The following PTPRM variants were observed in gnomAD, a reference collection of about 807,000 sequenced individuals.
PTPRM encodes the protein protein tyrosine phosphatase receptor type M.
Under a neutral mutation model 186.7 loss-of-function variants are expected in PTPRM, and 47 were observed. That is an observed-to-expected ratio of 0.25 (90% confidence interval 0.20 to 0.32). The LOEUF (loss-of-function observed/expected upper bound fraction) is 0.32. Among genes scored for constraint, PTPRM ranks in the 10% least tolerant of loss-of-function variants. PTPRM has a pLI of 1.00. For synonymous variants in PTPRM, 668 were observed against 674.9 expected (o/e 0.99, Z 0.16); for missense variants, 1,494 against 1,865.0 (o/e 0.80, Z 3.66).
chr18:7,965,091 T>C (rs947929353), intron 7 of PTPRM, among the ~76,000 whole-genome samples: 5 of 141,156 alleles, frequency 3.5e-5, no homozygotes, highest in Non-Finnish European at 6.0e-5. Flanking sequence ...CAGGCTGGAG[T>C]GCAATGTGCA....
At chr18:8,220,611 A>C (rs1293512188) in intron 14 of PTPRM, among the ~76,000 whole-genome samples, 3 of 152,246 alleles carry the variant, frequency 2.0e-5, no homozygotes, top group Non-Finnish European at 4.4e-5. Context: ...AAAGCTTATT[A>C]GGAAAGAGTT....
intron 1 of PTPRM, among the ~76,000 whole-genome samples, chr18:7,670,711 TATC>T (rs1209768419): frequency 6.6e-6 from 1 of 152,338 alleles, no homozygotes; most frequent in East Asian, 1.9e-4. Context: ...GCAAAATTAT[TATC>T]ATTTCAAAAC....
At chr18:8,100,876 C>T (rs2091262308) in intron 11 of PTPRM, among the ~76,000 whole-genome samples, 1 of 152,180 alleles carries the variant, frequency 6.6e-6, no homozygotes, top group South Asian at 2.1e-4. Context: ...CTTAAAATTT[C>T]CTATCATTAC....
rs1048373469 is a variant in PTPRM at position 7,619,316 on chromosome 18, A to G, written c.73+51425A>G. On this transcript the variant is annotated intron_variant, in intron 1 of 32. Coordinates refer to ENST00000580170, the MANE Select transcript of PTPRM (RefSeq NM_001105244.2). ...CCCTCCTTGAGCTTGGCACCAGGGA[A>G]CATTTACAGATGATGACATTTTCTA... Among the ~76,000 whole-genome samples, 11 of 152,312 alleles carry G rather than the reference A, an allele frequency of 7.2e-5. No individual in the cohort carries two copies. The East Asian group carries it at 2.1e-3, about 29-fold the overall frequency.
At chr18:7,943,879 C>T (rs2052354413) in intron 5 of PTPRM, among the ~76,000 whole-genome samples, 1 of 152,178 alleles carries the variant, frequency 6.6e-6, no homozygotes, top group African/African-American at 2.4e-5. Flanking sequence ...TACCTGCAAA[C>T]TCCTTTTTGC....
intron 13 of PTPRM, among the ~76,000 whole-genome samples, chr18:8,125,322 G>C (rs1397108135): frequency 1.3e-5 from 2 of 152,062 alleles, no homozygotes; most frequent in African/African-American, 4.8e-5. Context: ...CATTTCATGA[G>C]CAGTCCTGTC....
In PTPRM at chr18:7,567,553, G is replaced by A. The variant is rs964185395; in HGVS notation, c.-266G>A. 7 of 366,950 alleles carry A rather than the reference G, an allele frequency of 1.9e-5. No individual in the cohort carries two copies. Among genetic ancestry groups the A allele is most frequent in the South Asian group, 1.3e-4 (1 of 7,832 alleles). The allele number at this position is 366,950 out of a possible 1,614,324, so 22.7% of individuals were successfully genotyped here. ...AACCGAGGGAAGATTTTGGCTCCGC[G>A]GGCTCGCCCTCCGCTCCCTCTGCCA... On this transcript the variant is annotated 5_prime_UTR_variant, in exon 1 of 33. Coordinates refer to ENST00000580170, the MANE Select transcript of PTPRM (RefSeq NM_001105244.2). The surrounding 1 kb of genome is among the most constrained non-coding windows in gnomAD (Gnocchi z 4.3).
chr18:8,323,069 G>A, intron 22 of PTPRM, among the ~76,000 whole-genome samples: 1 of 152,036 alleles, frequency 6.6e-6, no homozygotes, highest in Non-Finnish European at 1.5e-5. Flanking sequence ...GCTCATAGGA[G>A]CCTCCCACCG....
At chr18:7,866,904 G>C (rs1390751591) in intron 2 of PTPRM, among the ~76,000 whole-genome samples, 2 of 152,134 alleles carry the variant, frequency 1.3e-5, no homozygotes, top group Non-Finnish European at 2.9e-5. Flanking sequence ...AGGATAGTTA[G>C]CTCTTCTTGT....
intron 2 of PTPRM, among the ~76,000 whole-genome samples, chr18:7,854,156 G>A (rs2046988729): frequency 1.3e-5 from 2 of 152,162 alleles, no homozygotes; most frequent in Admixed American, 6.5e-5. Context: ...AGGAAATGAT[G>A]GACATAGTTG....
At chr18:8,207,283 G>A (rs151149205) in intron 14 of PTPRM, among the ~76,000 whole-genome samples, 1 of 152,170 alleles carries the variant, frequency 6.6e-6, no homozygotes, top group African/African-American at 2.4e-5. Flanking sequence ...GTACAGTTTT[G>A]TGGGGAAGCA....
At chr18:8,120,630 G>A (rs969400809) in intron 13 of PTPRM, among the ~76,000 whole-genome samples, 2 of 151,620 alleles carry the variant, frequency 1.3e-5, no homozygotes, top group Non-Finnish European at 2.9e-5. Context: ...CAAGTAGCTG[G>A]GACTACAGGC....
At chr18:7,630,948 G>T (rs1396430685) in intron 1 of PTPRM, among the ~76,000 whole-genome samples, 1 of 152,112 alleles carries the variant, frequency 6.6e-6, no homozygotes, top group African/African-American at 2.4e-5. Context: ...AGGTTGGGTT[G>T]GCTTATGTGC....
intron 7 of PTPRM, among the ~76,000 whole-genome samples, chr18:7,999,238 C>G (rs2083725519): frequency 6.6e-6 from 1 of 152,102 alleles, no homozygotes; most frequent in African/African-American, 2.4e-5. Flanking sequence ...AACCAAGGTA[C>G]CTGGAGAAAA....
intron 14 of PTPRM, among the ~76,000 whole-genome samples, chr18:8,202,640 G>A (rs1252668691): frequency 6.6e-6 from 1 of 151,206 alleles, no homozygotes; most frequent in African/African-American, 2.4e-5. Context: ...GGAACTGCCT[G>A]TGTTTACCAT....
chr18:7,795,323 G>A (rs2043568120), intron 2 of PTPRM, among the ~76,000 whole-genome samples: 1 of 152,184 alleles, frequency 6.6e-6, no homozygotes, highest in Non-Finnish European at 1.5e-5. Context: ...GCGTCTCAGA[G>A]TGGGATCTGT....
chr18:8,230,726 A>C (rs1467392761), intron 14 of PTPRM, among the ~76,000 whole-genome samples: 1 of 152,234 alleles, frequency 6.6e-6, no homozygotes, highest in Non-Finnish European at 1.5e-5. Flanking sequence ...CAACTGTTGC[A>C]GTGCTGGTTC....
chr18:7,859,008 T>C (rs1345493265), intron 2 of PTPRM, among the ~76,000 whole-genome samples: 1 of 152,212 alleles, frequency 6.6e-6, no homozygotes, highest in Non-Finnish European at 1.5e-5. Flanking sequence ...CCTGAGGCAG[T>C]CAGTGCATTC....
intron 3 of PTPRM, among the ~76,000 whole-genome samples, chr18:7,903,311 C>A (rs1168974755): frequency 1.3e-5 from 2 of 152,206 alleles, no homozygotes; most frequent in African/African-American, 2.4e-5. Flanking sequence ...ATTTTTCTAA[C>A]CACAGCACCC....
Sources: allele counts gnomAD v4.1 joint callset (sites outside exome capture counted in the v4.1 genomes callset), GRCh38; gene constraint gnomAD v4.1.1; non-coding constraint Gnocchi (gnomAD v3.1); transcripts MANE v1.5; gene names NCBI Gene and HGNC (gene_info 2026-07-23, HGNC 2026-07-21).